Variants in MYRFL observed in about 807,000 individuals in gnomAD.
MYRFL encodes myelin regulatory factor-like protein.
MYRFL carries 88 observed loss-of-function variants against 109.4 expected under a neutral mutation model. The observed-to-expected ratio is 0.80, with a 90% confidence interval of 0.68 to 0.96. The LOEUF (loss-of-function observed/expected upper bound fraction) is 0.96. Ranked by LOEUF, MYRFL falls within the 40% of genes least tolerant of loss-of-function variation. The pLI is 0.00. For synonymous variants in MYRFL, 324 were observed against 320.9 expected, an observed-to-expected ratio of 1.01 and a Z score of -0.10; for missense variants, 957 against 954.9, an observed-to-expected ratio of 1.00 and a Z score of -0.03.
chr12:69,896,432 A>G (rs1953998200), intron 9 of MYRFL, among the ~76,000 whole-genome samples: 1 of 152,228 alleles, frequency 6.6e-6, no homozygotes, highest in Non-Finnish European at 1.5e-5. Flanking sequence ...AAGTTTTTTC[A>G]TGCAGTTCTT....
At chr12:69,902,784 C>T (rs1258619840) in intron 10 of MYRFL, among the ~76,000 whole-genome samples, 1 of 152,198 alleles carries the variant, frequency 6.6e-6, no homozygotes, top group Admixed American at 6.5e-5. Context: ...TGCAGTGGAA[C>T]ATTCTTTGAC....
rs942507907 is a variant in MYRFL at position 69,900,556 on chromosome 12, C to G, written c.1183-3088C>G. On this transcript the variant is annotated intron_variant, in intron 10 of 24. Coordinates refer to ENST00000552032, the MANE Select transcript of MYRFL (RefSeq NM_182530.3). ...AGGCTTCCAGGAGATGCTGATATTG[C>G]TAGCCTGCAGACCATGCTTTGAGTA... Among the ~76,000 whole-genome samples, 3 of 152,166 alleles carry G rather than the reference C, an allele frequency of 2.0e-5. No individual in the cohort carries two copies. In the East Asian group the frequency reaches 5.8e-4, roughly 29 times the overall value.
intron 10 of MYRFL, among the ~76,000 whole-genome samples, chr12:69,903,086 TCTTC>T (rs1441153757): frequency 6.6e-6 from 1 of 152,272 alleles, no homozygotes; most frequent in African/African-American, 2.4e-5. Flanking sequence ...CTGTTATTAT[TCTTC>T]CTTCAGTATC....
rs183448227 is a variant in MYRFL, at chr12:69,890,901, T to G, written c.708-70T>G. ...CGTTTTCTTGAAATGTTTATACAAC[T>G]AATACTGTTAATGAAAATAAATATA... is the stretch of plus-strand genomic sequence containing the variant. On this transcript the variant is annotated intron_variant, in intron 6 of 24. Coordinates refer to ENST00000552032, the MANE Select transcript of MYRFL (RefSeq NM_182530.3). 5.7e-6 allele frequency: 7 copies of G among 1,225,820 alleles called. No individual in the cohort carries two copies. In the Admixed American group the frequency reaches 2.3e-4, roughly 40 times the overall value. The allele number at this position is 1,225,820 out of a possible 1,614,324, so 75.9% of individuals were successfully genotyped here. A position where few individuals can be genotyped will look rare whatever the true frequency, so the allele number is the denominator to read the frequency against.
intron 13 of MYRFL, among the ~76,000 whole-genome samples, chr12:69,915,478 C>G (rs951231485): frequency 2.6e-5 from 4 of 152,128 alleles, no homozygotes; most frequent in African/African-American, 9.7e-5. Context: ...TACCTCACAA[C>G]CTGATGCCAA....
chr12:69,930,861 A>G (rs1456226949), intron 15 of MYRFL, among the ~76,000 whole-genome samples: 1 of 151,160 alleles, frequency 6.6e-6, no homozygotes, highest in Non-Finnish European at 1.5e-5. Context: ...TTATTGTCCT[A>G]CCTCTTACAG....
intron 1 of MYRFL, among the ~76,000 whole-genome samples, chr12:69,846,106 C>CTTTTTTTTTTTTT (rs60251292): frequency 8.1e-5 from 5 of 61,732 alleles, no homozygotes; most frequent in African/African-American, 2.8e-4. Context: ...TATTGACTAT[C>CTTTTTTTTTTTTT]TTTTTTTTTT....
At chr12:69,932,728 C>A in intron 16 of MYRFL, 130 bp downstream of exon 16, 1 of 638,692 alleles carries the variant, frequency 1.6e-6, no homozygotes, top group Non-Finnish European at 2.7e-6. Flanking sequence ...AGACACTGAA[C>A]TCTGATAGCA....
chr12:69,924,764 GA>G (rs1193016940), intron 13 of MYRFL, among the ~76,000 whole-genome samples: 27 of 152,150 alleles, frequency 1.8e-4, no homozygotes, highest in African/African-American at 4.3e-4. Context: ...ATACAAGTAT[GA>G]TTTTTTTTGT....
At chr12:69,859,012 C>T (rs1000994960) in intron 2 of MYRFL, among the ~76,000 whole-genome samples, 11 of 151,750 alleles carry the variant, frequency 7.2e-5, no homozygotes, top group Admixed American at 7.2e-4. Context: ...GCTTTAGCTG[C>T]CTCACTCAGT....
At chr12:69,851,766 C>T (rs926452192) in intron 1 of MYRFL, among the ~76,000 whole-genome samples, 3 of 152,166 alleles carry the variant, frequency 2.0e-5, no homozygotes, top group Admixed American at 6.5e-5. Flanking sequence ...TCAGAAGAAC[C>T]ACCCACCTTA....
At chr12:69,831,267 C>T (rs1301262692) in intron 1 of MYRFL, among the ~76,000 whole-genome samples, 3 of 152,120 alleles carry the variant, frequency 2.0e-5, no homozygotes, top group African/African-American at 7.2e-5. Flanking sequence ...CTGTAACATA[C>T]TCTTTTACAT....
intron 19 of MYRFL, among the ~76,000 whole-genome samples, chr12:69,940,123 A>ACT (rs1955598405): frequency 6.6e-6 from 1 of 151,940 alleles, no homozygotes; most frequent in African/African-American, 2.4e-5. Flanking sequence ...GTTGGAAAAC[A>ACT]CTCTGCAGGA....
Position 69,825,502 on chromosome 12 carries a change from CT to C in MYRFL, c.-15del, listed in dbSNP as rs1319719232. On this transcript the variant is annotated 5_prime_UTR_variant, in exon 1 of 25. Transcript: ENST00000552032. The stretch of plus-strand genomic sequence containing the variant: ...ACCGTTGTTTTATGAGGAAATAGTA[CT>C]AGGATCACAGTACCATGGATGTGGT... The C allele has an allele frequency of 7.1e-6, 5 of 701,434 alleles. No individual in the cohort carries two copies. Among genetic ancestry groups the C allele is most frequent in the African/African-American group, 1.7e-5 (1 of 57,164 alleles). 43.5% of individuals were successfully genotyped at this position (701,434 alleles called of 1,614,324 possible). A position where few individuals can be genotyped will look rare whatever the true frequency, so the allele number is the denominator to read the frequency against.
intron 2 of MYRFL, among the ~76,000 whole-genome samples, chr12:69,864,750 G>T (rs191759627): frequency 3.3e-5 from 5 of 151,998 alleles, no homozygotes; most frequent in Admixed American, 2.6e-4. Flanking sequence ...TGTGCTAGGC[G>T]CTGCATGGGC....
chr12:69,953,499 C>T (rs1046166439), intron 21 of MYRFL, among the ~76,000 whole-genome samples: 3 of 152,096 alleles, frequency 2.0e-5, no homozygotes, highest in African/African-American at 7.2e-5. Context: ...GGCGTGGTGG[C>T]TCACGCCTGT....
chr12:69,855,480 A>G (rs1197684745), intron 2 of MYRFL, 110 bp downstream of exon 2: 3 of 605,314 alleles, frequency 5.0e-6, no homozygotes, highest in Non-Finnish European at 9.0e-6. Context: ...ACTTGGGTAG[A>G]GTTGACATTA....
chr12:69,872,775 G>A (rs573021304), intron 2 of MYRFL, among the ~76,000 whole-genome samples: 5 of 151,912 alleles, frequency 3.3e-5, no homozygotes, highest in South Asian at 4.2e-4. Flanking sequence ...CTGGGATTAC[G>A]GGTGTGAGCC....
At chr12:69,907,122 T>G (rs1018106689) in intron 11 of MYRFL, among the ~76,000 whole-genome samples, 10 of 152,186 alleles carry the variant, frequency 6.6e-5, no homozygotes, top group Non-Finnish European at 1.3e-4. Flanking sequence ...CTAGGCCAAG[T>G]GTACACATAG....
Sources: allele counts gnomAD v4.1 joint callset (sites outside exome capture counted in the v4.1 genomes callset), GRCh38; gene constraint gnomAD v4.1.1; transcripts MANE v1.5; gene names NCBI Gene and HGNC (gene_info 2026-07-23, HGNC 2026-07-21).